The following MAF variants were observed in gnomAD, a reference collection of about 807,000 sequenced individuals.
The protein encoded by MAF is transcription factor Maf.
MAF carries 10 observed loss-of-function variants against 22.0 expected under a neutral mutation model. The ratio of observed to expected loss-of-function variants is 0.45; its 90% CI spans 0.28 to 0.77. The LOEUF is 0.77. Ranked by LOEUF, MAF falls within the 30% of genes least tolerant of loss-of-function variation. The pLI is 0.12. For synonymous variants in MAF, 337 were observed against 255.8 expected (o/e 1.32, Z -3.03); for missense variants, 544 against 548.4 (o/e 0.99, Z 0.08).
the MAF span, among the ~76,000 whole-genome samples, chr16:79,223,485 T>C: frequency 2.6e-5 from 4 of 152,092 alleles, no homozygotes; most frequent in Admixed American, 6.5e-5. Flanking sequence ...ATTCCAAAGT[T>C]AGCAAAAGAC....
the MAF span, among the ~76,000 whole-genome samples, chr16:79,516,636 CTGTGA>C: frequency 2.2e-4 from 33 of 152,330 alleles, no homozygotes; most frequent in African/African-American, 7.0e-4. Flanking sequence ...ATTAACTCAT[CTGTGA>C]TGTGCTCATG....
intron 1 of MAF, among the ~76,000 whole-genome samples, chr16:79,586,598 T>C (rs957451555): frequency 4.6e-5 from 7 of 152,250 alleles, no homozygotes; most frequent in African/African-American, 1.7e-4. Context: ...AAAATCTTTT[T>C]GCTTCACAGT....
At chr16:79,293,658 CT>C in the MAF span, among the ~76,000 whole-genome samples, 1 of 152,128 alleles carries the variant, frequency 6.6e-6, no homozygotes, top group African/African-American at 2.4e-5. Flanking sequence ...GATGACCACT[CT>C]TTTTCTCCCA....
chr16:79,539,651 G>A, the MAF span, among the ~76,000 whole-genome samples: 1 of 152,138 alleles, frequency 6.6e-6, no homozygotes, highest in South Asian at 2.1e-4. Context: ...TCTATAACAG[G>A]AAAAATGGAG....
the MAF span, among the ~76,000 whole-genome samples, chr16:79,534,927 C>T: frequency 2.0e-5 from 3 of 152,152 alleles, no homozygotes; most frequent in African/African-American, 7.2e-5. Flanking sequence ...TTCAGTTTTA[C>T]TTTTCTCATT....
the MAF span, among the ~76,000 whole-genome samples, chr16:79,576,646 C>T: frequency 9.7e-4 from 147 of 152,128 alleles, 1 homozygote; most frequent in African/African-American, 3.4e-3. Flanking sequence ...AGGGAAACGT[C>T]CAATATCATA....
At chr16:79,230,747 C>T in the MAF span, among the ~76,000 whole-genome samples, 3 of 152,072 alleles carry the variant, frequency 2.0e-5, no homozygotes, top group African/African-American at 7.2e-5. Flanking sequence ...CTGAAGCTAA[C>T]ATTCTAAGAT....
chr16:79,495,267 G>T, the MAF span, among the ~76,000 whole-genome samples: 1 of 152,126 alleles, frequency 6.6e-6, no homozygotes, highest in African/African-American at 2.4e-5. Context: ...TTGGAGACCA[G>T]CCTAGACAAC....
At chr16:79,514,824 A>G in the MAF span, among the ~76,000 whole-genome samples, 1 of 152,204 alleles carries the variant, frequency 6.6e-6, no homozygotes, top group East Asian at 1.9e-4. Flanking sequence ...GAAGCCAGAT[A>G]AAAGTATGTT....
the MAF span, among the ~76,000 whole-genome samples, chr16:79,442,573 G>A: frequency 1.3e-5 from 2 of 151,772 alleles, no homozygotes; most frequent in Non-Finnish European, 2.9e-5. Flanking sequence ...ACAGGGTCTT[G>A]CACTGTTGCC....
the MAF span, among the ~76,000 whole-genome samples, chr16:79,389,310 G>A: frequency 6.6e-6 from 1 of 152,226 alleles, no homozygotes; most frequent in Non-Finnish European, 1.5e-5. Context: ...TGCCCAGGCT[G>A]GAGTGCAGTG....
At chr16:79,326,750 G>A in the MAF span, among the ~76,000 whole-genome samples, 1 of 152,216 alleles carries the variant, frequency 6.6e-6, no homozygotes, top group Non-Finnish European at 1.5e-5. Flanking sequence ...TACAAAAGTG[G>A]ATGAAGGCTG....
the MAF span, among the ~76,000 whole-genome samples, chr16:79,490,414 G>C: frequency 6.6e-6 from 1 of 152,254 alleles, no homozygotes; most frequent in East Asian, 1.9e-4. Context: ...TGCTGTAGAG[G>C]GGATTCCTCT....
At chr16:79,253,535 C>T in the MAF span, among the ~76,000 whole-genome samples, 2 of 152,142 alleles carry the variant, frequency 1.3e-5, no homozygotes, top group South Asian at 2.1e-4. Context: ...GAAGCTAGCA[C>T]GTGGCCTCTC....
At chr16:79,265,172 C>A in the MAF span, among the ~76,000 whole-genome samples, 1 of 152,092 alleles carries the variant, frequency 6.6e-6, no homozygotes, top group Non-Finnish European at 1.5e-5. Flanking sequence ...TATTCAAGAT[C>A]CATTAATTTC....
At chr16:79,224,580 A>C in the MAF span, among the ~76,000 whole-genome samples, 1 of 152,188 alleles carries the variant, frequency 6.6e-6, no homozygotes, top group Admixed American at 6.5e-5. Flanking sequence ...GTCTCTGTTT[A>C]CAGATGACAT....
the MAF span, among the ~76,000 whole-genome samples, chr16:79,444,648 C>T: frequency 6.6e-5 from 10 of 152,308 alleles, no homozygotes; most frequent in South Asian, 2.1e-3. Context: ...TTTAGTGCAC[C>T]ACGAGAAATG....
chr16:79,294,328 GAGT>G, the MAF span, among the ~76,000 whole-genome samples: 1 of 152,308 alleles, frequency 6.6e-6, no homozygotes, highest in East Asian at 1.9e-4. Context: ...ATTGCTGTTA[GAGT>G]TAAACTGTCT....
At chr16:79,581,651 G>T (rs77652633), downstream of MAF, among the ~76,000 whole-genome samples, 9,529 of 151,092 alleles carry the variant, frequency 0.063, 410 homozygotes, top group Middle Eastern at 0.12. Flanking sequence ...GGACTAAAAA[G>T]AAATCGTCAC....
Sources: allele counts gnomAD v4.1 joint callset (sites outside exome capture counted in the v4.1 genomes callset), GRCh38; gene constraint gnomAD v4.1.1; transcripts MANE v1.5; gene names NCBI Gene and HGNC (gene_info 2026-07-23, HGNC 2026-07-21).